CASZ1: variants seen among roughly 807,000 people sequenced by gnomAD.
CASZ1 encodes the protein zinc finger protein castor homolog 1.
In CASZ1, 28 loss-of-function variants were observed where a neutral mutation model predicts 135.2. That is an observed-to-expected ratio of 0.21 (90% CI 0.15 to 0.28). CASZ1 has a LOEUF of 0.28. Among genes scored for constraint, CASZ1 ranks in the 10% least tolerant of loss-of-function variants. The probability of loss-of-function intolerance (pLI) is 1.00; values close to 1 mark genes in which losing one functional copy is unlikely to be tolerated. For synonymous variants in CASZ1, 1,068 were observed against 1,073.4 expected (o/e 0.99, Z 0.10); for missense variants, 2,161 against 2,453.3 (o/e 0.88, Z 2.52).
At chr1:10,787,537 C>T (rs766249541) in intron 1 of CASZ1, among the ~76,000 whole-genome samples, 5 of 152,218 alleles carry the variant, frequency 3.3e-5, no homozygotes, top group Non-Finnish European at 7.3e-5. Flanking sequence ...GAGCTGGAGA[C>T]GCTGGCACAG....
chr1:10,702,091 G>A (rs938063043), intron 3 of CASZ1, among the ~76,000 whole-genome samples: 3 of 152,138 alleles, frequency 2.0e-5, no homozygotes, highest in Non-Finnish European at 4.4e-5. Context: ...CCAAGCACTC[G>A]AATCACACAA....
At chr1:10,649,684 C>T (rs773928299) in intron 13 of CASZ1, 39 of 477,342 alleles carry the variant, frequency 8.2e-5, no homozygotes, top group Non-Finnish European at 1.2e-4. Flanking sequence ...GCCCGTGCCG[C>T]GGGATCCATC....
chr1:10,652,543 G>A (rs1294952419), intron 11 of CASZ1: 1 of 152,274 alleles, frequency 6.6e-6, no homozygotes, highest in African/African-American at 2.4e-5. Context: ...GAAACTGGGA[G>A]AGGAGTGAGG....
At chr1:10,675,692 T>C (rs1369983760) in intron 4 of CASZ1, among the ~76,000 whole-genome samples, 2 of 152,044 alleles carry the variant, frequency 1.3e-5, no homozygotes, top group East Asian at 3.9e-4. Flanking sequence ...CAGGTACCCC[T>C]ACCCCTGCCT....
At chr1:10,662,074 T>G (rs1489877204) in intron 5 of CASZ1, among the ~76,000 whole-genome samples, 1 of 135,652 alleles carries the variant, frequency 7.4e-6, no homozygotes, top group East Asian at 2.2e-4. Flanking sequence ...CACACACGCA[T>G]TCTCACACAC....
At chr1:10,766,569 G>T (rs1640482011) in intron 1 of CASZ1, among the ~76,000 whole-genome samples, 1 of 152,158 alleles carries the variant, frequency 6.6e-6, no homozygotes, top group Non-Finnish European at 1.5e-5. Flanking sequence ...GGTGGGGGAA[G>T]GTGAAGCCTG....
At chr1:10,640,676 G>A (rs1277117043) in intron 20 of CASZ1, among the ~76,000 whole-genome samples, 1 of 152,200 alleles carries the variant, frequency 6.6e-6, no homozygotes, top group African/African-American at 2.4e-5. Flanking sequence ...TCTACCCCAA[G>A]GGCTGGGAGA....
chr1:10,674,762 C>T (rs1643513753), intron 4 of CASZ1, among the ~76,000 whole-genome samples: 2 of 152,186 alleles, frequency 1.3e-5, no homozygotes, highest in African/African-American at 4.8e-5. Context: ...TGGCCCTGCT[C>T]ACCTCTGCCT....
chr1:10,734,635 A>G (rs1386631749), intron 2 of CASZ1, among the ~76,000 whole-genome samples: 1 of 152,212 alleles, frequency 6.6e-6, no homozygotes, highest in Non-Finnish European at 1.5e-5. Context: ...AAAGCAACAC[A>G]GAGGGTTTTT....
intron 5 of CASZ1, chr1:10,661,414 AACCC>A (rs71583888): frequency 0.15 from 22,413 of 151,902 alleles, 2,175 homozygotes; most frequent in Non-Finnish European, 0.22. Flanking sequence ...CACACACACA[AACCC>A]ACACACAGTC....
chr1:10,656,153 C>A (rs1215817966), intron 8 of CASZ1, among the ~76,000 whole-genome samples: 5 of 152,250 alleles, frequency 3.3e-5, no homozygotes, highest in African/African-American at 1.2e-4. Flanking sequence ...TGGACTAAGG[C>A]AGGCTGGGAT....
At chr1:10,765,479 T>C (rs1640457956) in intron 1 of CASZ1, among the ~76,000 whole-genome samples, 1 of 152,018 alleles carries the variant, frequency 6.6e-6, no homozygotes, top group Non-Finnish European at 1.5e-5. Context: ...CGCTGCATTT[T>C]TCATCTGTGA....
chr1:10,658,825 A>C (rs1433361259), intron 6 of CASZ1, among the ~76,000 whole-genome samples: 1 of 152,196 alleles, frequency 6.6e-6, no homozygotes, highest in Non-Finnish European at 1.5e-5. Context: ...ACGGGCTGGC[A>C]AGCCACAGAA....
At chr1:10,665,920 G>A (rs1181238086) in intron 4 of CASZ1, among the ~76,000 whole-genome samples, 10 of 152,180 alleles carry the variant, frequency 6.6e-5, no homozygotes, top group Admixed American at 3.9e-4. Context: ...GCCCTGGGAG[G>A]GGGTGTGCCC....
intron 1 of CASZ1, among the ~76,000 whole-genome samples, chr1:10,761,359 G>A (rs1406600784): frequency 6.6e-6 from 1 of 152,238 alleles, no homozygotes; most frequent in East Asian, 1.9e-4. Flanking sequence ...CCTTCTGGGA[G>A]CCTCTATAAA....
chr1:10,661,127 C>T (rs950831004), intron 5 of CASZ1: 1 of 157,140 alleles, frequency 6.4e-6, no homozygotes, highest in Non-Finnish European at 1.4e-5. Context: ...CCACACCTTC[C>T]CAGGTGCTGA....
At position 10,646,188 on chromosome 1, in the gene CASZ1, G is replaced by A. The variant is rs1263191405; in HGVS notation, c.3636C>T (p.Asn1212=). 1.2e-6 allele frequency: 2 copies of A among 1,614,178 alleles called. No homozygotes were observed. The highest frequency in any genetic ancestry group is 1.1e-5 in the South Asian group (1 of 91,072). Residue 1212 remains asparagine (N), a synonymous_variant, in exon 17 of 21, where the codon AAC becomes AAT. Coordinates refer to ENST00000377022, the MANE Select transcript of CASZ1 (RefSeq NM_001079843.3). This position sits in a 1 kb window ranked among gnomAD's most constrained non-coding sequence, Gnocchi z 6.4. ...HCLDHINPNN[N]LVNVRDQFAY... is the part of the protein sequence containing the mutation. The stretch of plus-strand genomic sequence containing the variant: ...CAAACTGGTCTCGCACGTTCACCAG[G>A]TTGTTGTTGGGGTTGATGTGGTCCA...
rs74747522 is a variant in CASZ1, at chr1:10,774,784, C to A, written c.-233-13927G>T. ...TTGAGCCCTCCCTCCTCTGTCCCAGCGCCAAGTTCCCTGCAACCCACAAGC... is the reference window on the plus strand; with the variant it reads ...TTGAGCCCTCCCTCCTCTGTCCCAGAGCCAAGTTCCCTGCAACCCACAAGC... On this transcript the variant is annotated intron_variant, in intron 1 of 20. Transcript: ENST00000377022. The surrounding 1 kb of genome is among the most constrained non-coding windows in gnomAD (Gnocchi z 4.4). Among the ~76,000 whole-genome samples, 1 of 152,192 alleles carries A rather than the reference C, an allele frequency of 6.6e-6. No individual in the cohort carries two copies.
intron 4 of CASZ1, among the ~76,000 whole-genome samples, chr1:10,671,718 C>T (rs946208992): frequency 1.3e-5 from 2 of 152,224 alleles, no homozygotes; most frequent in Non-Finnish European, 2.9e-5. Flanking sequence ...CTGTGGGCCA[C>T]CGCAGCGGAG....
Sources: allele counts gnomAD v4.1 joint callset (sites outside exome capture counted in the v4.1 genomes callset), GRCh38; gene constraint gnomAD v4.1.1; non-coding constraint Gnocchi (gnomAD v3.1); transcripts MANE v1.5; gene names NCBI Gene and HGNC (gene_info 2026-07-23, HGNC 2026-07-21).